Variants in PTPRD observed in about 807,000 individuals in gnomAD.
The protein encoded by PTPRD is protein tyrosine phosphatase receptor type D, also known as receptor-type tyrosine-protein phosphatase delta.
Under a neutral mutation model 214.5 loss-of-function variants are expected in PTPRD, and 34 were observed. That is an observed-to-expected ratio of 0.16 (90% confidence interval 0.12 to 0.21). The LOEUF (loss-of-function observed/expected upper bound fraction) is 0.21, where lower values mean the gene tolerates loss of function less well. Ranked by LOEUF, PTPRD falls within the 10% of genes least tolerant of loss-of-function variation. The pLI is 1.00. For synonymous variants in PTPRD, 1,128 were observed against 845.7 expected (o/e 1.33, Z -5.79); for missense variants, 2,545 against 2,398.7 (o/e 1.06, Z -1.27).
intron 3 of PTPRD, among the ~76,000 whole-genome samples, chr9:10,314,913 T>C (rs2154421505): frequency 6.6e-6 from 1 of 152,018 alleles, no homozygotes; most frequent in African/African-American, 2.4e-5. Context: ...GGTATTTGAG[T>C]GCTTGGTCAT....
chr9:9,347,700 T>C (rs531535815), intron 9 of PTPRD, among the ~76,000 whole-genome samples: 15 of 152,276 alleles, frequency 9.9e-5, no homozygotes, highest in African/African-American at 3.6e-4. Flanking sequence ...TTTTGATTCA[T>C]GGTACATCTA....
intron 10 of PTPRD, among the ~76,000 whole-genome samples, chr9:9,123,108 G>C (rs1005800073): frequency 1.3e-5 from 2 of 152,158 alleles, no homozygotes; most frequent in Non-Finnish European, 2.9e-5. Context: ...TTGTGCAGCA[G>C]AATCCTCCAT....
At chr9:8,908,150 A>T (rs527865225) in intron 11 of PTPRD, among the ~76,000 whole-genome samples, 65 of 152,320 alleles carry the variant, frequency 4.3e-4, no homozygotes, top group Non-Finnish European at 8.5e-4. Flanking sequence ...AGAATGTTGT[A>T]ATGAAACTGC....
chr9:9,474,364 G>T (rs909325131), intron 8 of PTPRD, among the ~76,000 whole-genome samples: 4 of 151,946 alleles, frequency 2.6e-5, no homozygotes, highest in African/African-American at 7.2e-5. Context: ...TAGCTTTATA[G>T]TACATTTTGA....
rs34128512 is a variant in PTPRD, at chr9:9,578,045, C to CAAAAA, written c.-286-3269_-286-3265dup. Among the ~76,000 whole-genome samples the CAAAAA allele has an allele frequency of 7.8e-5, 8 of 102,382 alleles. 1 individual carries two copies. Among genetic ancestry groups the CAAAAA allele is most frequent in the Admixed American group, 1.2e-4 (1 of 8,648 alleles). The allele number at this position is 102,382 out of a possible 152,430, so 67.2% of individuals were successfully genotyped here. ...TTGGTGACAGAGTAAGACTCTGTCT[C>CAAAAA]AAAAAAAAAAAAAAAAAAAAAAAAA... On this transcript the variant is annotated intron_variant, in intron 7 of 45. Transcript: ENST00000381196.
intron 12 of PTPRD, among the ~76,000 whole-genome samples, chr9:8,668,715 A>G (rs940855286): frequency 6.6e-6 from 1 of 152,240 alleles, no homozygotes; most frequent in African/African-American, 2.4e-5. Context: ...CACTGTGTTA[A>G]GTGATTCATA....
intron 3 of PTPRD, among the ~76,000 whole-genome samples, chr9:10,145,741 C>T (rs547025609): frequency 2.6e-5 from 4 of 151,930 alleles, no homozygotes; most frequent in South Asian, 2.1e-4. Context: ...ATATACTACA[C>T]GTATATATAC....
At chr9:10,512,354 CATT>C in intron 2 of PTPRD, among the ~76,000 whole-genome samples, 1 of 151,830 alleles carries the variant, frequency 6.6e-6, no homozygotes, top group East Asian at 2.0e-4. Flanking sequence ...ACGCAATAAT[CATT>C]GAGAGAAAGT....
intron 14 of PTPRD, among the ~76,000 whole-genome samples, chr9:8,569,062 C>G (rs1452481239): frequency 6.6e-6 from 1 of 152,030 alleles, no homozygotes; most frequent in African/African-American, 2.4e-5. Context: ...CTCCCAAAAA[C>G]CTTCCTTCCT....
intron 8 of PTPRD, among the ~76,000 whole-genome samples, chr9:9,444,236 G>C (rs1220148299): frequency 6.6e-6 from 1 of 151,976 alleles, no homozygotes; most frequent in Non-Finnish European, 1.5e-5. Context: ...TCTATAATAT[G>C]CTTTACTTTT....
At chr9:8,447,242 C>G (rs572232582) in intron 34 of PTPRD, among the ~76,000 whole-genome samples, 1 of 152,182 alleles carries the variant, frequency 6.6e-6, no homozygotes, top group Non-Finnish European at 1.5e-5. Flanking sequence ...ACTACAGCTC[C>G]TCTCTTATCT....
chr9:9,987,153 C>T (rs1455597250), intron 4 of PTPRD, among the ~76,000 whole-genome samples: 1 of 152,028 alleles, frequency 6.6e-6, no homozygotes, highest in Admixed American at 6.6e-5. Flanking sequence ...GAACTCCAAC[C>T]AACAACCTTT....
At position 8,386,006 on chromosome 9, in the gene PTPRD, T is replaced by A. The variant is rs142610078; in HGVS notation, c.4386+3226A>T. 1.2e-4 allele frequency among the ~76,000 whole-genome samples: 18 copies of A among 152,302 alleles called. No individual in the cohort carries two copies. In the East Asian group the frequency reaches 3.5e-3, roughly 29 times the overall value. On this transcript the variant is annotated intron_variant, in intron 37 of 45. Coordinates refer to ENST00000381196, the MANE Select transcript of PTPRD (RefSeq NM_002839.4). Reference sequence around the variant, plus strand: ...CACAGAGTGAATTATTTGGAGGCTATCTTTTGGGGAAACTGAAGTTGTCAC... The same window carrying A: ...CACAGAGTGAATTATTTGGAGGCTAACTTTTGGGGAAACTGAAGTTGTCAC...
At chr9:9,430,441 C>G (rs140284703) in intron 8 of PTPRD, among the ~76,000 whole-genome samples, 1 of 151,044 alleles carries the variant, frequency 6.6e-6, no homozygotes, top group Non-Finnish European at 1.5e-5. Context: ...TGTTCATGGA[C>G]AGGAAGAATC....
chr9:9,385,851 G>A lies in PTPRD; in HGVS notation c.-203+11598C>T, dbSNP rs1291592178. ...TGAACAGTCCAAAGATACATAGAAG[G>A]TAAATGTTAGAGGTGTCATTTAAGC... On this transcript the variant is annotated intron_variant, in intron 9 of 45. Transcript: ENST00000381196. Among the ~76,000 whole-genome samples, 3 of 152,110 alleles carry A rather than the reference G, an allele frequency of 2.0e-5. No homozygotes were observed. In the East Asian group the frequency reaches 5.8e-4, roughly 29 times the overall value.
At chr9:10,071,099 T>C (rs2098002885) in intron 3 of PTPRD, among the ~76,000 whole-genome samples, 1 of 152,046 alleles carries the variant, frequency 6.6e-6, no homozygotes, top group Non-Finnish European at 1.5e-5. Context: ...AAAACTCTGA[T>C]GAAAGAAATC....
chr9:9,515,791 G>C (rs914835736), intron 8 of PTPRD, among the ~76,000 whole-genome samples: 2 of 151,950 alleles, frequency 1.3e-5, no homozygotes, highest in African/African-American at 4.8e-5. Flanking sequence ...TGAGATAAAG[G>C]TGACTTTTTT....
chr9:9,915,452 A>G (rs1426959232), intron 5 of PTPRD, among the ~76,000 whole-genome samples: 1 of 152,096 alleles, frequency 6.6e-6, no homozygotes, highest in Non-Finnish European at 1.5e-5. Flanking sequence ...ACTGTGAGAT[A>G]TAAGAGAATA....
intron 3 of PTPRD, among the ~76,000 whole-genome samples, chr9:10,117,268 A>G (rs1028338200): frequency 1.3e-5 from 2 of 152,118 alleles, no homozygotes; most frequent in African/African-American, 4.8e-5. Context: ...CATTTTTAGA[A>G]CTGCTAAATG....
Sources: allele counts gnomAD v4.1 joint callset (sites outside exome capture counted in the v4.1 genomes callset), GRCh38; gene constraint gnomAD v4.1.1; transcripts MANE v1.5; gene names NCBI Gene and HGNC (gene_info 2026-07-23, HGNC 2026-07-21).